Variants in PHACTR4 observed in about 807,000 individuals in gnomAD.
PHACTR4 encodes protein phosphatase 1, regulatory subunit 124.
PHACTR4 carries 51 observed loss-of-function variants against 72.7 expected under a neutral mutation model. The observed-to-expected ratio is 0.70, with a 90% CI of 0.56 to 0.89. PHACTR4 has a LOEUF of 0.89. Ranked by LOEUF, PHACTR4 falls within the 40% of genes least tolerant of loss-of-function variation. The pLI, the probability that PHACTR4 is intolerant of heterozygous loss-of-function variation, is 0.00. For synonymous variants in PHACTR4, 255 were observed against 302.5 expected (o/e 0.84, Z 1.63); for missense variants, 731 against 861.8 (o/e 0.85, Z 1.90).
At chr1:28,430,561 A>G (rs889772138) in intron 2 of PHACTR4, among the ~76,000 whole-genome samples, 2 of 152,134 alleles carry the variant, frequency 1.3e-5, no homozygotes, top group South Asian at 2.1e-4. Context: ...AAGAAAAGAA[A>G]GCTGCTCTTT....
intron 2 of PHACTR4, among the ~76,000 whole-genome samples, chr1:28,452,840 C>T (rs1006657829): frequency 7.1e-6 from 1 of 141,308 alleles, no homozygotes; most frequent in African/African-American, 2.7e-5. Flanking sequence ...AAAATAAGTC[C>T]GGGCACAGTG....
intron 2 of PHACTR4, among the ~76,000 whole-genome samples, chr1:28,427,828 G>A (rs896455047): frequency 6.6e-6 from 1 of 152,154 alleles, no homozygotes; most frequent in Non-Finnish European, 1.5e-5. Context: ...ACACATTAGA[G>A]GTACTCAGCA....
chr1:28,479,658 G>T (rs752328753), intron 8 of PHACTR4, among the ~76,000 whole-genome samples: 5 of 151,878 alleles, frequency 3.3e-5, no homozygotes, highest in Non-Finnish European at 5.9e-5. Flanking sequence ...GGCCGAGGTG[G>T]GTGGATCACC....
intron 2 of PHACTR4, among the ~76,000 whole-genome samples, chr1:28,423,899 A>C (rs1655669750): frequency 6.6e-6 from 1 of 152,204 alleles, no homozygotes; most frequent in South Asian, 2.1e-4. Flanking sequence ...TGGGAAGTTG[A>C]ATTTAGTTTA....
At position 28,414,782 on chromosome 1, in the gene PHACTR4, G is replaced by A. The variant is rs776128560; in HGVS notation, c.16+7319G>A. Among the ~76,000 whole-genome samples the A allele has an allele frequency of 5.9e-5, 9 of 152,042 alleles. No individual in the cohort carries two copies. In the South Asian group the frequency reaches 1.2e-3, roughly 21 times the overall value. On this transcript the variant is annotated intron_variant, in intron 2 of 13. Coordinates refer to ENST00000373839, the MANE Select transcript of PHACTR4 (RefSeq NM_001048183.3). The stretch of plus-strand genomic sequence containing the variant: ...CTTGGAAAACAGATTCCAAAATTCC[G>A]CCAGAGTTAGTGTAGGACAGACATT...
intron 1 of PHACTR4, among the ~76,000 whole-genome samples, chr1:28,373,752 A>T (rs1199396910): frequency 2.0e-5 from 3 of 152,150 alleles, no homozygotes; most frequent in Non-Finnish European, 2.9e-5. Context: ...TAAACAAATT[A>T]ATACACATTG....
At chr1:28,495,494 T>C (rs1346649449) in intron 13 of PHACTR4, among the ~76,000 whole-genome samples, 1 of 152,054 alleles carries the variant, frequency 6.6e-6, no homozygotes, top group Admixed American at 6.6e-5. Context: ...CTATGACACA[T>C]GGAGATACCT....
In PHACTR4 at chr1:28,384,620, C is replaced by T. The variant is rs139799318; in HGVS notation, c.-39+14795C>T. ...TTTTCAAAGACCCAACTCCACCAGG[C>T]GCAAGGGCTCATGCTTGTAATCCCA... On this transcript the variant is annotated intron_variant, in intron 1 of 13. Transcript: ENST00000373839. Among the ~76,000 whole-genome samples the T allele has an allele frequency of 2.1e-3, 325 of 152,250 alleles. 5 individuals are homozygous for T. The highest frequency in any genetic ancestry group is 0.016 in the Admixed American group (251 of 15,266).
At chr1:28,411,893 G>A (rs1316097514) in intron 2 of PHACTR4, among the ~76,000 whole-genome samples, 3 of 151,896 alleles carry the variant, frequency 2.0e-5, no homozygotes, top group Non-Finnish European at 2.9e-5. Context: ...AAGAAAGAAC[G>A]AATGAACAAA....
intron 2 of PHACTR4, among the ~76,000 whole-genome samples, chr1:28,447,151 A>G (rs905093208): frequency 2.6e-5 from 4 of 151,768 alleles, no homozygotes; most frequent in Admixed American, 2.0e-4. Flanking sequence ...AGCTGGGACT[A>G]CAGGCGCGTG....
intron 2 of PHACTR4, among the ~76,000 whole-genome samples, chr1:28,433,263 A>G (rs1239124868): frequency 6.6e-6 from 1 of 151,880 alleles, no homozygotes; most frequent in Non-Finnish European, 1.5e-5. Context: ...ACTAAAATGA[A>G]CTCAAGGCTT....
chr1:28,384,413 T>C (rs925613502), intron 1 of PHACTR4, among the ~76,000 whole-genome samples: 7 of 152,200 alleles, frequency 4.6e-5, no homozygotes, highest in African/African-American at 1.4e-4. Context: ...GTCTAGGAAT[T>C]ATCCATTTTT....
intron 2 of PHACTR4, among the ~76,000 whole-genome samples, chr1:28,415,788 CAA>C (rs1655069072): frequency 6.6e-6 from 1 of 152,098 alleles, no homozygotes; most frequent in African/African-American, 2.4e-5. Flanking sequence ...ATTCTGGAAA[CAA>C]ATTTATAAGA....
Position 28,438,060 on chromosome 1 carries a change from C to T in PHACTR4, c.17-21025C>T. 4 of 896,258 alleles carry T rather than the reference C, an allele frequency of 4.5e-6. No individual in the cohort carries two copies. The African/African-American group carries it at 7.2e-5, about 16-fold the overall frequency. The allele number at this position is 896,258 out of a possible 1,614,324, so 55.5% of individuals were successfully genotyped here. A position where few individuals can be genotyped will look rare whatever the true frequency, so the allele number is the denominator to read the frequency against. ...AGGAACGGGGGTGTGGACTTTTGGG[C>T]TATGCCAGTCAGCAGCCAGAATGTG... On this transcript the variant is annotated intron_variant, in intron 2 of 13. Coordinates refer to ENST00000373839, the MANE Select transcript of PHACTR4 (RefSeq NM_001048183.3).
chr1:28,407,106 A>G (rs995598491), intron 1 of PHACTR4, among the ~76,000 whole-genome samples: 9 of 152,170 alleles, frequency 5.9e-5, no homozygotes, highest in African/African-American at 2.2e-4. Context: ...CTAGTATTGT[A>G]CATCTGTATC....
intron 2 of PHACTR4, among the ~76,000 whole-genome samples, chr1:28,455,152 G>A (rs974681986): frequency 2.0e-5 from 3 of 149,920 alleles, no homozygotes; most frequent in Non-Finnish European, 4.4e-5. Context: ...TTACAGGCAT[G>A]AGCCACCGCA....
chr1:28,380,721 C>A (rs1652101712), intron 1 of PHACTR4, among the ~76,000 whole-genome samples: 1 of 152,132 alleles, frequency 6.6e-6, no homozygotes, highest in Non-Finnish European at 1.5e-5. Context: ...ATACATACCA[C>A]CTTTTCTTTA....
intron 2 of PHACTR4, among the ~76,000 whole-genome samples, chr1:28,416,820 A>T (rs1248487654): frequency 1.3e-5 from 2 of 152,178 alleles, no homozygotes; most frequent in Non-Finnish European, 2.9e-5. Flanking sequence ...AAGTAATGCA[A>T]TCCAATTTAA....
chr1:28,381,492 G>T (rs942493149), intron 1 of PHACTR4, among the ~76,000 whole-genome samples: 1 of 150,408 alleles, frequency 6.6e-6, no homozygotes, highest in African/African-American at 2.4e-5. Context: ...TAGAGACGCA[G>T]TTAAACCATG....
Sources: gnomAD v4.1 joint callset for allele counts (sites outside exome capture counted in the v4.1 genomes callset) on GRCh38, gnomAD v4.1.1 for gene constraint, MANE v1.5 for transcripts, NCBI Gene and HGNC (gene_info 2026-07-23, HGNC 2026-07-21) for gene names.